TOGARAM1: variants seen among roughly 807,000 people sequenced by gnomAD.
The protein encoded by TOGARAM1 is TOG array regulator of axonemal microtubules 1.
A neutral mutation model predicts 166.6 loss-of-function variants in TOGARAM1; 100 were observed. That is an observed-to-expected ratio of 0.60 (90% confidence interval 0.51 to 0.71). The LOEUF is 0.71. Ranked by LOEUF, TOGARAM1 falls within the 30% of genes least tolerant of loss-of-function variation. The probability of loss-of-function intolerance (pLI) is 0.00; values close to 1 mark genes in which losing one functional copy is unlikely to be tolerated. For missense variants in TOGARAM1, 2,029 were observed against 2,102.7 expected (o/e 0.96, Z 0.69); for synonymous variants, 758 against 763.8 (o/e 0.99, Z 0.13).
At chr14:44,976,887 C>T (rs1240578969) in intron 1 of TOGARAM1, among the ~76,000 whole-genome samples, 2 of 152,132 alleles carry the variant, frequency 1.3e-5, no homozygotes, top group Non-Finnish European at 2.9e-5. Context: ...CCAGAAGTAT[C>T]TCTCCTTGCT....
intron 11 of TOGARAM1, among the ~76,000 whole-genome samples, chr14:45,039,553 T>C (rs1260381331): frequency 2.6e-5 from 4 of 152,148 alleles, no homozygotes; most frequent in African/African-American, 9.7e-5. Flanking sequence ...CTTCCCATGC[T>C]TGTTGGTGCC....
At chr14:44,967,130 T>C (rs1428341577) in intron 1 of TOGARAM1, among the ~76,000 whole-genome samples, 1 of 152,194 alleles carries the variant, frequency 6.6e-6, no homozygotes, top group Admixed American at 6.5e-5. Flanking sequence ...CATTGCTATT[T>C]CTTGCCATTG....
chr14:44,985,193 T>C (rs2138770129), intron 1 of TOGARAM1, among the ~76,000 whole-genome samples: 1 of 152,274 alleles, frequency 6.6e-6, no homozygotes, highest in Non-Finnish European at 1.5e-5. Flanking sequence ...TTTGTATTTT[T>C]AGTAGAGACG....
intron 5 of TOGARAM1, among the ~76,000 whole-genome samples, chr14:45,008,585 C>T (rs143857544): frequency 6.6e-4 from 101 of 152,236 alleles, no homozygotes; most frequent in African/African-American, 2.3e-3. Flanking sequence ...CTGATATCTA[C>T]CATCTGATTC....
At chr14:45,025,338 G>A (rs530145397) in intron 7 of TOGARAM1, 1 of 153,136 alleles carries the variant, frequency 6.5e-6, no homozygotes, top group African/African-American at 2.4e-5. Context: ...GGCCGAGGCA[G>A]GCGGATCATG....
intron 1 of TOGARAM1, among the ~76,000 whole-genome samples, chr14:44,973,814 A>G (rs1292438937): frequency 6.6e-6 from 1 of 151,098 alleles, no homozygotes; most frequent in East Asian, 1.9e-4. Flanking sequence ...TTCTCTCAAT[A>G]CTTTAAATAT....
chr14:45,040,635 G>T (rs1306520621), intron 11 of TOGARAM1, among the ~76,000 whole-genome samples: 2 of 152,146 alleles, frequency 1.3e-5, no homozygotes, highest in Non-Finnish European at 2.9e-5. Flanking sequence ...CTGTTAAACA[G>T]ATAATATAGA....
intron 2 of TOGARAM1, 179 bp downstream of exon 2, chr14:44,996,081 G>A (rs568028240): frequency 7.1e-6 from 3 of 424,856 alleles, no homozygotes; most frequent in African/African-American, 4.1e-5. Flanking sequence ...ACCCTGGAGG[G>A]TTTCTCACTG....
rs190733940 is a variant in TOGARAM1 at position 44,968,410 on chromosome 14, C to T, written c.2046+3943C>T. The stretch of plus-strand genomic sequence containing the variant: ...GAGTAGCTGGGACTACAGGCACCCG[C>T]CACCATGCCCAGTATTTTTAGTAGA... On this transcript the variant is annotated intron_variant, in intron 1 of 19. Coordinates refer to ENST00000361462, the MANE Select transcript of TOGARAM1 (RefSeq NM_001308120.2). Among the ~76,000 whole-genome samples, 4 of 152,312 alleles carry T rather than the reference C, an allele frequency of 2.6e-5. No homozygotes were observed. In the East Asian group the frequency reaches 7.7e-4, roughly 29 times the overall value.
chr14:45,005,182 G>A (rs973061982), intron 4 of TOGARAM1, among the ~76,000 whole-genome samples: 5 of 151,964 alleles, frequency 3.3e-5, no homozygotes, highest in Non-Finnish European at 5.9e-5. Context: ...CCAAAGTGCT[G>A]GGATTACAGG....
intron 16 of TOGARAM1, among the ~76,000 whole-genome samples, chr14:45,055,755 G>C (rs1882598363): frequency 7.4e-6 from 1 of 134,672 alleles, no homozygotes; most frequent in Non-Finnish European, 1.5e-5. Context: ...AGTGAGCTGA[G>C]ATCACGCCAT....
intron 2 of TOGARAM1, 131 bp from the exon 3 acceptor site, chr14:44,999,232 G>C: frequency 1.2e-6 from 1 of 820,254 alleles, no homozygotes; most frequent in Non-Finnish European, 1.7e-6. Context: ...TTTCTTGCCT[G>C]CCTACCTCAC....
chr14:44,968,744 C>T (rs1243970529), intron 1 of TOGARAM1, among the ~76,000 whole-genome samples: 1 of 152,198 alleles, frequency 6.6e-6, no homozygotes, highest in Non-Finnish European at 1.5e-5. Flanking sequence ...CATTAAGATT[C>T]ACTCTTGTGT....
intron 1 of TOGARAM1, among the ~76,000 whole-genome samples, chr14:44,976,863 G>T (rs1480586045): frequency 2.0e-5 from 3 of 152,014 alleles, no homozygotes; most frequent in African/African-American, 7.3e-5. Flanking sequence ...AAATAGTTTC[G>T]ATGTCAGTTA....
At chr14:45,020,817 C>G (rs879707230) in intron 7 of TOGARAM1, among the ~76,000 whole-genome samples, 3 of 152,080 alleles carry the variant, frequency 2.0e-5, no homozygotes, top group Non-Finnish European at 4.4e-5. Context: ...TGGGTTATTT[C>G]CAGATTGGAA....
At position 44,963,854 on chromosome 14, in the gene TOGARAM1, A is replaced by T. The variant is rs756270301; in HGVS notation, c.1433A>T (p.His478Leu). The T allele has an allele frequency of 2.5e-6, 4 of 1,614,228 alleles. No individual in the cohort carries two copies. Among genetic ancestry groups the T allele is most frequent in the Non-Finnish European group, 2.5e-6 (3 of 1,180,020 alleles). Residue 478 changes from histidine to leucine, a missense_variant, in exon 1 of 20, where the codon CAT becomes CTT. His to Leu is a moderately conservative substitution (Grantham distance 99). This residue lies in a region of TOGARAM1 where 1,453 missense variants were observed against 1,432.2 expected (regional missense o/e 1.01). Coordinates refer to ENST00000361462, the MANE Select transcript of TOGARAM1 (RefSeq NM_001308120.2). Reference protein sequence around the residue: ...PQQVLCLLLEHLKHKHSRVRE... With the variant: ...PQQVLCLLLELLKHKHSRVRE... The stretch of plus-strand genomic sequence containing the variant: ...CAGGTGCTTTGTTTACTCCTGGAAC[A>T]TCTCAAACATAAGCATTCCAGAGTG...
At chr14:45,044,540 C>CAAAAA in intron 12 of TOGARAM1, 95 bp from the exon 13 acceptor site, 1 of 666,044 alleles carries the variant, frequency 1.5e-6, no homozygotes, top group Non-Finnish European at 2.3e-6. Context: ...GACCCTAACT[C>CAAAAA]AAAAAAAAAA....
At chr14:45,040,872 C>G (rs560240410) in intron 11 of TOGARAM1, among the ~76,000 whole-genome samples, 2 of 151,784 alleles carry the variant, frequency 1.3e-5, no homozygotes, top group East Asian at 2.0e-4. Context: ...AACCCCATCT[C>G]TACTAAAAAT....
At chr14:45,011,246 T>C (rs2138859243) in intron 6 of TOGARAM1, among the ~76,000 whole-genome samples, 1 of 152,312 alleles carries the variant, frequency 6.6e-6, no homozygotes, top group Non-Finnish European at 1.5e-5. Context: ...GCCAAGTCTG[T>C]ATTTTTGTGT....
Sources: allele counts gnomAD v4.1 joint callset (sites outside exome capture counted in the v4.1 genomes callset), GRCh38; gene constraint gnomAD v4.1.1; regional missense constraint gnomAD v4.1.1; transcripts MANE v1.5; gene names NCBI Gene and HGNC (gene_info 2026-07-23, HGNC 2026-07-21).